Variants in COX16 observed in about 807,000 individuals in gnomAD.
COX16 encodes the protein cytochrome c oxidase assembly factor COX16.
Under a neutral mutation model 15.4 loss-of-function variants are expected in COX16, and 12 were observed. The observed-to-expected ratio is 0.78, with a 90% CI of 0.50 to 1.26. COX16 has a LOEUF of 1.26. COX16 is among the 50% of genes most tolerant of loss of function. The probability of loss-of-function intolerance (pLI) is 0.00; values close to 1 mark genes in which losing one functional copy is unlikely to be tolerated. For missense variants in COX16, 124 were observed against 127.6 expected, an observed-to-expected ratio of 0.97 and a Z score of 0.14; for synonymous variants, 46 against 41.1, an observed-to-expected ratio of 1.12 and a Z score of -0.46.
At chr14:70,345,875 C>T (rs1306812023) in intron 1 of COX16, among the ~76,000 whole-genome samples, 4 of 152,034 alleles carry the variant, frequency 2.6e-5, no homozygotes, top group Admixed American at 1.3e-4. Flanking sequence ...CTACCTTTTC[C>T]TCTCAACCAT....
chr14:70,331,369 A>G (rs1886284281), intron 2 of COX16, among the ~76,000 whole-genome samples: 1 of 152,174 alleles, frequency 6.6e-6, no homozygotes, highest in South Asian at 2.1e-4. Context: ...GAAGACTAAA[A>G]GGTTTATAAT....
At chr14:70,354,943 A>G (rs1348430616) in intron 1 of COX16, among the ~76,000 whole-genome samples, 1 of 151,756 alleles carries the variant, frequency 6.6e-6, no homozygotes, top group African/African-American at 2.4e-5. Flanking sequence ...TTTATCTCCA[A>G]TCTTCTCTTA....
chr14:70,354,833 T>TGTGTGC (rs1395296432), intron 1 of COX16, among the ~76,000 whole-genome samples: 13 of 79,304 alleles, frequency 1.6e-4, no homozygotes, highest in African/African-American at 6.3e-4. Context: ...GCATAGAGTG[T>TGTGTGC]GTGTGTGCGT....
At chr14:70,341,864 A>T (rs976231870) in intron 2 of COX16, among the ~76,000 whole-genome samples, 5 of 151,780 alleles carry the variant, frequency 3.3e-5, no homozygotes, top group South Asian at 4.2e-4. Flanking sequence ...TGTGTGTGTG[A>T]GTGTGTGTGT....
chr14:70,357,158 C>CCAAAAAAAAAAAA (rs1230639115), intron 1 of COX16, among the ~76,000 whole-genome samples: 1 of 78,700 alleles, frequency 1.3e-5, no homozygotes. Flanking sequence ...AAGCGTTTGT[C>CCAAAAAAAAAAAA]AAAAAAAAAA....
At chr14:70,331,063 A>G (rs1294730326) in intron 2 of COX16, among the ~76,000 whole-genome samples, 1 of 152,236 alleles carries the variant, frequency 6.6e-6, no homozygotes, top group Admixed American at 6.5e-5. Flanking sequence ...GCTGGAAAGC[A>G]GTGGCACGAT....
chr14:70,354,263 A>T (rs902038704), intron 1 of COX16, among the ~76,000 whole-genome samples: 1 of 152,264 alleles, frequency 6.6e-6, no homozygotes, highest in African/African-American at 2.4e-5. Context: ...ATAGATAAGC[A>T]GCTAATACCT....
intron 1 of COX16, among the ~76,000 whole-genome samples, chr14:70,357,655 A>G (rs989764088): frequency 2.0e-5 from 3 of 152,246 alleles, no homozygotes; most frequent in African/African-American, 7.2e-5. Context: ...TGCTCAACAT[A>G]ATAAGTCGTT....
chr14:70,355,871 GGT>G (rs1206843214), intron 1 of COX16, among the ~76,000 whole-genome samples: 2 of 152,116 alleles, frequency 1.3e-5, no homozygotes, highest in Admixed American at 1.3e-4. Flanking sequence ...CTGTCCTTGT[GGT>G]AATGAGTGAG....
chr14:70,336,773 C>T (rs1341385914), intron 2 of COX16, among the ~76,000 whole-genome samples: 2 of 152,158 alleles, frequency 1.3e-5, no homozygotes, highest in African/African-American at 4.8e-5. Context: ...AAAATCAAAC[C>T]TCTACCTAAG....
rs1024825825 is a variant in COX16, at chr14:70,328,061, CTGAGAA to C, written c.204+1107_204+1112del. 20 of 124,064 alleles carry C rather than the reference CTGAGAA, an allele frequency of 1.6e-4. No homozygotes were observed. The East Asian group carries it at 2.6e-3, about 16-fold the overall frequency. The allele number at this position is 124,064 out of a possible 1,614,324, so 7.7% of individuals were successfully genotyped here. A position where few individuals can be genotyped will look rare whatever the true frequency, so the allele number is the denominator to read the frequency against. On this transcript the variant is annotated intron_variant, in intron 3 of 3. Transcript: ENST00000389912. The stretch of plus-strand genomic sequence containing the variant: ...TGTTCTTCAGGAGTAAAAATTATGC[CTGAGAA>C]TAAGATTTTTTTTTTTTTTTTTTTT...
chr14:70,335,994 T>C (rs1886441239), intron 2 of COX16, among the ~76,000 whole-genome samples: 1 of 152,168 alleles, frequency 6.6e-6, no homozygotes, highest in Non-Finnish European at 1.5e-5. Flanking sequence ...TGGTGGCTCA[T>C]GTCTGTAATC....
intron 1 of COX16, among the ~76,000 whole-genome samples, chr14:70,348,786 G>A (rs1886857669): frequency 6.6e-6 from 1 of 152,138 alleles, no homozygotes; most frequent in South Asian, 2.1e-4. Context: ...GTCATAAATG[G>A]CTCTCTTACC....
intron 1 of COX16, 83 bp from the exon 2 acceptor site, chr14:70,342,812 A>G: frequency 2.1e-6 from 3 of 1,432,686 alleles, no homozygotes; most frequent in Non-Finnish European, 2.9e-6. Flanking sequence ...TTTTCTAAAC[A>G]ACAATAGAGG....
chr14:70,346,013 C>T (rs1886768184), intron 1 of COX16, among the ~76,000 whole-genome samples: 1 of 152,064 alleles, frequency 6.6e-6, no homozygotes, highest in African/African-American at 2.4e-5. Flanking sequence ...CTAGTATTGC[C>T]TGTACCCATT....
At chr14:70,352,108 T>G (rs543378725) in intron 1 of COX16, among the ~76,000 whole-genome samples, 4 of 152,342 alleles carry the variant, frequency 2.6e-5, no homozygotes, top group East Asian at 3.9e-4. Context: ...AATATTTATT[T>G]AAGAAGTGAA....
chr14:70,328,392 C>G lies in COX16; in HGVS notation c.204+782G>C, dbSNP rs1886162650. Among the ~76,000 whole-genome samples the G allele has an allele frequency of 2.0e-5, 3 of 152,022 alleles. No individual in the cohort carries two copies. The South Asian group carries it at 6.2e-4, about 32-fold the overall frequency. ...TCAGTGTATTATTCACAATGACTAC[C>G]TTTCAATACAAAATGACCAGACATA... On this transcript the variant is annotated intron_variant, in intron 3 of 3. Transcript: ENST00000389912.
Position 70,359,671 on chromosome 14 carries a change from C to T in COX16, c.-84G>A, listed in dbSNP as rs1206107025. 2 of 1,202,068 alleles carry T rather than the reference C, an allele frequency of 1.7e-6. No homozygotes were observed. Among genetic ancestry groups the T allele is most frequent in the East Asian group, 2.4e-5 (1 of 42,414 alleles). The allele number at this position is 1,202,068 out of a possible 1,614,324, so 74.5% of individuals were successfully genotyped here. ...TCAGCAGCTCACGCTCTCACCAAGACGAGTACGTCCTTAACTCACTTCCTT... is the reference window on the plus strand; with the variant it reads ...TCAGCAGCTCACGCTCTCACCAAGATGAGTACGTCCTTAACTCACTTCCTT... On this transcript the variant is annotated 5_prime_UTR_variant, in exon 1 of 4. Coordinates refer to ENST00000389912, the MANE Select transcript of COX16 (RefSeq NM_016468.7).
Position 70,325,812 on chromosome 14 carries a change from C to CTGAT in COX16, c.*517_*520dup, listed in dbSNP as rs1158998629. ...TAATTATCATGTGATGCTTTGGAGACTGATTATCATACTATGTGAGGCATT... is the reference window on the plus strand; with the variant it reads ...TAATTATCATGTGATGCTTTGGAGACTGATTGATTATCATACTATGTGAGGCATT... On this transcript the variant is annotated 3_prime_UTR_variant, in exon 4 of 4. Transcript: ENST00000389912. The CTGAT allele has an allele frequency of 6.6e-6, 1 of 152,126 alleles. No individual in the cohort carries two copies. Among genetic ancestry groups the CTGAT allele is most frequent in the Non-Finnish European group, 1.5e-5 (1 of 68,054 alleles). 9.4% of individuals were successfully genotyped at this position (152,126 alleles called of 1,614,324 possible). A position where few individuals can be genotyped will look rare whatever the true frequency, so the allele number is the denominator to read the frequency against.
Sources: gnomAD v4.1 joint callset for allele counts (sites outside exome capture counted in the v4.1 genomes callset) on GRCh38, gnomAD v4.1.1 for gene constraint, MANE v1.5 for transcripts, NCBI Gene and HGNC (gene_info 2026-07-23, HGNC 2026-07-21) for gene names.